SOCS7: variants seen among roughly 807,000 people sequenced by gnomAD.
The protein encoded by SOCS7 is suppressor of cytokine signaling 7.
A neutral mutation model predicts 58.9 loss-of-function variants in SOCS7; 18 were observed. The observed-to-expected ratio is 0.31, with a 90% CI of 0.21 to 0.45. The LOEUF (loss-of-function observed/expected upper bound fraction) is 0.45, where lower values mean the gene tolerates loss of function less well. Among genes scored for constraint, SOCS7 ranks in the 20% least tolerant of loss-of-function variants. The pLI, the probability that SOCS7 is intolerant of heterozygous loss-of-function variation, is 1.00. For synonymous variants in SOCS7, 388 were observed against 364.3 expected (o/e 1.06, Z -0.74); for missense variants, 667 against 837.3 (o/e 0.80, Z 2.51).
intron 6 of SOCS7, among the ~76,000 whole-genome samples, chr17:38,371,517 ACC>A (rs2037864499): frequency 7.0e-6 from 1 of 143,746 alleles, no homozygotes; most frequent in Non-Finnish European, 1.5e-5. Context: ...GGATCTGCCC[ACC>A]TCAGCCTCCC....
chr17:38,401,923 G>A lies in SOCS7; in HGVS notation c.*2441G>A, dbSNP rs72834024. 0.047 allele frequency: 7,138 copies of A among 152,348 alleles called. 194 individuals carry two copies. Among genetic ancestry groups the A allele is most frequent in the Middle Eastern group, 0.21 (62 of 296 alleles). 9.4% of individuals were successfully genotyped at this position (152,348 alleles called of 1,614,324 possible). On this transcript the variant is annotated 3_prime_UTR_variant, in exon 10 of 10. Transcript: ENST00000612932. ...GTGAGGTGGAGCCCAAAGCCCAAAG[G>A]AGTCAGCAAGGCTCCTGCCCATTGC...
At chr17:38,362,715 G>GGAACA (rs2037736039) in intron 2 of SOCS7, among the ~76,000 whole-genome samples, 1 of 152,198 alleles carries the variant, frequency 6.6e-6, no homozygotes, top group Admixed American at 6.5e-5. Flanking sequence ...CTACTGTAGT[G>GGAACA]GAGAAGGAGG....
At chr17:38,368,289 A>G (rs1283144050) in intron 6 of SOCS7, among the ~76,000 whole-genome samples, 2 of 152,300 alleles carry the variant, frequency 1.3e-5, no homozygotes, top group African/African-American at 4.8e-5. Context: ...TGTTTCCTAA[A>G]TAGGAGGGCC....
intron 7 of SOCS7, among the ~76,000 whole-genome samples, chr17:38,382,591 C>G (rs550627920): frequency 6.6e-6 from 1 of 152,118 alleles, no homozygotes; most frequent in South Asian, 2.1e-4. Flanking sequence ...CGAGTTCAAA[C>G]GATTCTCCTT....
intron 6 of SOCS7, among the ~76,000 whole-genome samples, chr17:38,371,778 T>TTTTTTTTG (rs2037870901): frequency 7.0e-6 from 1 of 142,672 alleles, no homozygotes; most frequent in African/African-American, 2.6e-5. Context: ...TTTTTTTTTT[T>TTTTTTTTG]GTGGGTGATT....
chr17:38,377,806 G>A lies in SOCS7; in HGVS notation c.1645G>A (p.Gly549Arg). 1 of 1,613,564 alleles carries A rather than the reference G, an allele frequency of 6.2e-7. No individual in the cohort carries two copies. Among genetic ancestry groups the A allele is most frequent in the Non-Finnish European group, 8.5e-7 (1 of 1,179,718 alleles). Reference sequence around the variant, plus strand: ...GAGAGCCATTATGCACTCCAAGAATGGAAAGTTTCTCTATTTCTTAAGATC... The same window carrying A: ...GAGAGCCATTATGCACTCCAAGAATAGAAAGTTTCTCTATTTCTTAAGATC... ...IKRAIMHSKN[G>R]KFLYFLRSRV... Residue 549 changes from glycine to arginine, a missense_variant, in exon 7 of 10, where the codon GGA becomes AGA. By Grantham distance (125) the Gly-to-Arg change is moderately radical. This residue lies in a region of SOCS7 where 76 missense variants were observed against 194.5 expected (regional missense o/e 0.39). Transcript: ENST00000612932.
At chr17:38,377,870 A>C in intron 7 of SOCS7, 28 bp downstream of exon 7, 1 of 1,604,020 alleles carries the variant, frequency 6.2e-7, no homozygotes, top group Non-Finnish European at 8.5e-7. Context: ...TTAATTATTT[A>C]ACTTAAGTTG....
intron 6 of SOCS7, among the ~76,000 whole-genome samples, chr17:38,374,090 C>T (rs1406107093): frequency 4.6e-5 from 7 of 152,000 alleles, no homozygotes; most frequent in Non-Finnish European, 4.4e-5. Context: ...GCTGGTGGCA[C>T]GCGCCTGTGA....
intron 6 of SOCS7, among the ~76,000 whole-genome samples, chr17:38,373,028 C>A (rs1451683389): frequency 6.6e-6 from 1 of 151,844 alleles, no homozygotes; most frequent in Admixed American, 6.6e-5. Flanking sequence ...ATCGATTGAA[C>A]CTGGGAGGCA....
Position 38,352,650 on chromosome 17 carries a change from G to T in SOCS7, c.598G>T (p.Glu200Ter). Residue 200 changes from glutamate (E) to a stop codon, truncating the protein, a stop_gained, in exon 1 of 10, where the codon GAG (glutamate) becomes TAG (stop). Coordinates refer to ENST00000612932, the MANE Select transcript of SOCS7 (RefSeq NM_014598.4). LOFTEE classifies it high-confidence loss of function. This position sits in a 1 kb window ranked among gnomAD's most constrained non-coding sequence, Gnocchi z 5.5. ...SLETNSCSEE[E>*]LSSPGRGGGG... Reference sequence around the variant, plus strand: ...GGAGACTAACAGCTGCTCGGAAGAGGAGCTCAGCAGCCCGGGTCGCGGAGG... The same window carrying T: ...GGAGACTAACAGCTGCTCGGAAGAGTAGCTCAGCAGCCCGGGTCGCGGAGG... 1.3e-6 allele frequency: 2 copies of T among 1,550,016 alleles called. No homozygotes were observed. Among genetic ancestry groups the T allele is most frequent in the Non-Finnish European group, 1.7e-6 (2 of 1,146,846 alleles).
chr17:38,353,013 C>G lies in SOCS7; in HGVS notation c.961C>G (p.Arg321Gly), dbSNP rs1339162941. Residue 321 changes from arginine to glycine, a missense_variant, in exon 1 of 10, where the codon CGG becomes GGG. Arg to Gly is a moderately radical substitution (Grantham distance 125). Coordinates refer to ENST00000612932, the MANE Select transcript of SOCS7 (RefSeq NM_014598.4). Reference sequence around the variant, plus strand: ...GACAGACATGGGAGGCTCTGCGGGCCGGGAGCTGGACGCGGGGAGGTGAGA... The same window carrying G: ...GACAGACATGGGAGGCTCTGCGGGCGGGGAGCTGGACGCGGGGAGGTGAGA... ...SLTDMGGSAG[R>G]ELDAGRKPKL... The G allele has an allele frequency of 6.9e-6, 11 of 1,591,926 alleles. No individual in the cohort carries two copies. Among genetic ancestry groups the G allele is most frequent in the East Asian group, 2.3e-5 (1 of 44,370 alleles).
chr17:38,391,999 G>A (rs2038178447), intron 7 of SOCS7, among the ~76,000 whole-genome samples: 1 of 152,190 alleles, frequency 6.6e-6, no homozygotes, highest in Non-Finnish European at 1.5e-5. Flanking sequence ...TTGTGCCCAG[G>A]ACCTCTGGCA....
chr17:38,388,410 T>A (rs1195145884), intron 7 of SOCS7, among the ~76,000 whole-genome samples: 1 of 151,906 alleles, frequency 6.6e-6, no homozygotes, highest in African/African-American at 2.4e-5. Flanking sequence ...TCCCAGCTAC[T>A]CAGGAGGCTG....
intron 1 of SOCS7, among the ~76,000 whole-genome samples, chr17:38,359,362 C>T (rs1555567247): frequency 6.6e-6 from 1 of 152,142 alleles, no homozygotes; most frequent in African/African-American, 2.4e-5. Flanking sequence ...CATCAGAACC[C>T]TCAAGTATGG....
intron 7 of SOCS7, among the ~76,000 whole-genome samples, chr17:38,391,722 G>T (rs1326949608): frequency 6.6e-6 from 1 of 152,106 alleles, no homozygotes; most frequent in Non-Finnish European, 1.5e-5. Flanking sequence ...TTGACCTTGT[G>T]CTTGTTTTTT....
At position 38,389,865 on chromosome 17, in the gene SOCS7, G is replaced by GTATA. The variant is rs1270608226; in HGVS notation, c.1682-5442_1682-5441insTATA. On this transcript the variant is annotated intron_variant, in intron 7 of 9. Transcript: ENST00000612932. ...ATTTTTTTGTTTGGTGTGTATGTGT[G>GTATA]TACATATATATATATATGTACATAT... 2.6e-3 allele frequency among the ~76,000 whole-genome samples: 69 copies of GTATA among 26,878 alleles called. 3 individuals are homozygous for GTATA. The highest frequency in any genetic ancestry group is 6.2e-3 in the African/African-American group (58 of 9,322). The allele number at this position is 26,878 out of a possible 152,430, so 17.6% of individuals were successfully genotyped here.
chr17:38,375,738 A>T (rs985846895), intron 6 of SOCS7: 1 of 152,088 alleles, frequency 6.6e-6, no homozygotes, highest in Non-Finnish European at 1.5e-5. Flanking sequence ...CAGTTTATGT[A>T]TGTAAATTGG....
In SOCS7 at chr17:38,364,820, C is replaced by T; in HGVS notation, c.1114C>T (p.Pro372Ser). ...RGLTSPHPPT[P>S]PPPPRRSLSL... Reference sequence around the variant, plus strand: ...CCTGACCTCTCCACACCCTCCAACTCCCCCTCCTCCTCCGAGAAGAAGCCT... The same window carrying T: ...CCTGACCTCTCCACACCCTCCAACTTCCCCTCCTCCTCCGAGAAGAAGCCT... Residue 372 changes from proline (P) to serine (S), a missense_variant, in exon 3 of 10, where the codon CCC (proline) becomes TCC (serine). By Grantham distance (74) the Pro-to-Ser change is moderately conservative. Around this residue, in one of 9 missense-constraint regions of SOCS7, gnomAD observed 99 missense variants for 122.9 expected, o/e 0.81. Transcript: ENST00000612932. 6.2e-7 allele frequency: 1 copy of T among 1,613,948 alleles called. No individual in the cohort carries two copies. Among genetic ancestry groups the T allele is most frequent in the Non-Finnish European group, 8.5e-7 (1 of 1,179,898 alleles).
chr17:38,368,541 G>A (rs1300028242), intron 6 of SOCS7, among the ~76,000 whole-genome samples: 2 of 148,394 alleles, frequency 1.3e-5, no homozygotes, highest in Non-Finnish European at 3.0e-5. Context: ...TCGCTCTGTT[G>A]CCTAGGCTGG....
Sources: gnomAD v4.1 joint callset for allele counts (sites outside exome capture counted in the v4.1 genomes callset) on GRCh38, gnomAD v4.1.1 for gene constraint, gnomAD v4.1.1 regional missense constraint, Gnocchi (gnomAD v3.1) non-coding constraint, MANE v1.5 for transcripts, NCBI Gene and HGNC (gene_info 2026-07-23, HGNC 2026-07-21) for gene names.